The following DENND5B variants were observed in gnomAD, a reference collection of about 807,000 sequenced individuals.
DENND5B encodes DENN domain containing 5B, also known as DENN domain-containing protein 5B.
Under a neutral mutation model 140.6 loss-of-function variants are expected in DENND5B, and 34 were observed. The observed-to-expected ratio is 0.24, with a 90% CI of 0.18 to 0.32. DENND5B has a LOEUF of 0.32. Among genes scored for constraint, DENND5B ranks in the 10% least tolerant of loss-of-function variants. The pLI, the probability that DENND5B is intolerant of heterozygous loss-of-function variation, is 1.00. For synonymous variants in DENND5B, 551 were observed against 562.1 expected (o/e 0.98, Z 0.28); for missense variants, 1,142 against 1,560.2 (o/e 0.73, Z 4.52).
intron 1 of DENND5B, among the ~76,000 whole-genome samples, chr12:31,557,602 G>A (rs950202083): frequency 2.0e-5 from 3 of 151,824 alleles, no homozygotes; most frequent in Admixed American, 6.6e-5. Context: ...GGCTGATCTC[G>A]AACTTTGTTT....
intron 8 of DENND5B, among the ~76,000 whole-genome samples, chr12:31,427,982 G>A (rs757977242): frequency 2.0e-5 from 3 of 152,098 alleles, no homozygotes; most frequent in Non-Finnish European, 2.9e-5. Flanking sequence ...ACTGATTAGG[G>A]ATTCCACTAA....
chr12:31,441,480 GC>G (rs1186907383), intron 7 of DENND5B, among the ~76,000 whole-genome samples: 2 of 151,586 alleles, frequency 1.3e-5, no homozygotes, highest in Admixed American at 6.6e-5. Context: ...GAGCCACCGT[GC>G]CTGGCCCAAG....
In DENND5B at chr12:31,508,377, A is replaced by G. The variant is rs140661580; in HGVS notation, c.128-12458T>C. 2.6e-4 allele frequency among the ~76,000 whole-genome samples: 40 copies of G among 152,368 alleles called. No individual in the cohort carries two copies. The East Asian group carries it at 7.3e-3, about 28-fold the overall frequency. ...CCACTTTCTTCCTCCTACATTAGAA[A>G]TCAACAAAGTTCTCTAAAAGAAAGA... On this transcript the variant is annotated intron_variant, in intron 1 of 20. Transcript: ENST00000389082.
chr12:31,505,292 G>A (rs1253826617), intron 1 of DENND5B, among the ~76,000 whole-genome samples: 1 of 146,560 alleles, frequency 6.8e-6, no homozygotes, highest in Non-Finnish European at 1.5e-5. Context: ...AGGCTAGAGT[G>A]TGACGTTGAG....
At chr12:31,455,255 C>A (rs1944716671) in intron 4 of DENND5B, among the ~76,000 whole-genome samples, 1 of 152,116 alleles carries the variant, frequency 6.6e-6, no homozygotes, top group African/African-American at 2.4e-5. Context: ...TATCCCTCTC[C>A]TCCTCCTATG....
At chr12:31,541,729 C>T (rs117179937) in intron 1 of DENND5B, among the ~76,000 whole-genome samples, 3,132 of 152,210 alleles carry the variant, frequency 0.021, 57 homozygotes, top group South Asian at 0.052. Context: ...ATCAGTATAT[C>T]GAAGCGATAT....
intron 1 of DENND5B, among the ~76,000 whole-genome samples, chr12:31,566,224 G>A (rs1330162471): frequency 6.6e-6 from 1 of 152,082 alleles, no homozygotes; most frequent in East Asian, 1.9e-4. Flanking sequence ...AGAGACTGAG[G>A]CAGGAGGATT....
intron 2 of DENND5B, among the ~76,000 whole-genome samples, chr12:31,491,721 A>G (rs538760597): frequency 1.2e-4 from 18 of 152,128 alleles, no homozygotes; most frequent in Admixed American, 2.6e-4. Flanking sequence ...GCAACTGAGG[A>G]AAAAAAACTA....
At position 31,468,874 on chromosome 12, in the gene DENND5B, G is replaced by A. The variant is rs188112551; in HGVS notation, c.905-8493C>T. On this transcript the variant is annotated intron_variant, in intron 3 of 20. Coordinates refer to ENST00000389082, the MANE Select transcript of DENND5B (RefSeq NM_144973.4). ...CAAACTTCAGGTAAAAATAATTGGG[G>A]GAAAAAGAGAATGCACAAACAGTAT... 3.6e-3 allele frequency among the ~76,000 whole-genome samples: 552 copies of A among 151,962 alleles called. 6 individuals are homozygous for A. Among genetic ancestry groups the A allele is most frequent in the African/African-American group, 0.012 (509 of 41,478 alleles).
Position 31,569,575 on chromosome 12 carries a change from G to A in DENND5B, c.127+21131C>T, listed in dbSNP as rs550080396. ...TATAATCCCAGTGCTTTGGGAGCCA[G>A]AGGCAGGCAGATCACTTGAGGCCAG... On this transcript the variant is annotated intron_variant, in intron 1 of 20. Transcript: ENST00000389082. 2.6e-5 allele frequency among the ~76,000 whole-genome samples: 4 copies of A among 152,300 alleles called. No homozygotes were observed. The South Asian group carries it at 8.3e-4, about 32-fold the overall frequency.
At position 31,389,272 on chromosome 12, in the gene DENND5B, C is replaced by T. The variant is rs545452374; in HGVS notation, c.3641+52G>A. 58 of 1,542,736 alleles carry T rather than the reference C, an allele frequency of 3.8e-5. No homozygotes were observed. The East Asian group carries it at 8.9e-4, about 24-fold the overall frequency. ...ATGATCTGGTATAACCTTTTCTGGA[C>T]TCTAGTTCAACATGTGACAAAGATA... is the stretch of plus-strand genomic sequence containing the variant. On this transcript the variant is annotated intron_variant, in intron 20 of 20. Transcript: ENST00000389082.
At chr12:31,501,186 T>C (rs958443626) in intron 1 of DENND5B, among the ~76,000 whole-genome samples, 1 of 152,220 alleles carries the variant, frequency 6.6e-6, no homozygotes, top group Admixed American at 6.5e-5. Context: ...AATTGAATTA[T>C]GGGGTTGGTT....
chr12:31,531,352 A>G (rs954856560), intron 1 of DENND5B, among the ~76,000 whole-genome samples: 1 of 152,216 alleles, frequency 6.6e-6, no homozygotes, highest in Non-Finnish European at 1.5e-5. Flanking sequence ...GGCGCATGCC[A>G]CTACGTCCCG....
At chr12:31,463,702 C>A (rs1408994990) in intron 3 of DENND5B, among the ~76,000 whole-genome samples, 1 of 152,094 alleles carries the variant, frequency 6.6e-6, no homozygotes, top group Non-Finnish European at 1.5e-5. Flanking sequence ...ACTCTTGCTG[C>A]CCAGGCTGGA....
In DENND5B at chr12:31,535,409, GAC is replaced by G. The variant is rs969913165; in HGVS notation, c.128-39492_128-39491del. On this transcript the variant is annotated intron_variant, in intron 1 of 20. Transcript: ENST00000389082. ...TAGCACAGAGAAAGAGAGAGAGAGA[GAC>G]ACACACACACACACACATATATACA... Among the ~76,000 whole-genome samples, 29 of 150,016 alleles carry G rather than the reference GAC, an allele frequency of 1.9e-4. No individual in the cohort carries two copies. In the South Asian group the frequency reaches 2.1e-3, roughly 11 times the overall value.
intron 1 of DENND5B, chr12:31,500,361 G>A (rs768388443): frequency 4.4e-6 from 2 of 454,114 alleles, no homozygotes; most frequent in Non-Finnish European, 8.8e-6. Context: ...AAGTATGACA[G>A]TAAGACTAAA....
At chr12:31,526,511 C>T (rs907499120) in intron 1 of DENND5B, among the ~76,000 whole-genome samples, 3 of 152,104 alleles carry the variant, frequency 2.0e-5, no homozygotes, top group African/African-American at 7.2e-5. Context: ...GAAATATTCA[C>T]GATGTGAATG....
At chr12:31,556,339 C>A (rs1348361762) in intron 1 of DENND5B, among the ~76,000 whole-genome samples, 1 of 152,122 alleles carries the variant, frequency 6.6e-6, no homozygotes, top group East Asian at 1.9e-4. Context: ...GTAGCTGGGA[C>A]TCCAGGCACC....
intron 1 of DENND5B, among the ~76,000 whole-genome samples, chr12:31,543,846 A>G (rs1948767221): frequency 6.6e-6 from 1 of 152,244 alleles, no homozygotes; most frequent in Non-Finnish European, 1.5e-5. Context: ...TATCCATAAG[A>G]TACAAACAAC....
Sources: allele counts gnomAD v4.1 joint callset (sites outside exome capture counted in the v4.1 genomes callset), GRCh38; gene constraint gnomAD v4.1.1; transcripts MANE v1.5; gene names NCBI Gene and HGNC (gene_info 2026-07-23, HGNC 2026-07-21).